WDR55: variants seen among roughly 807,000 people sequenced by gnomAD.
The protein encoded by WDR55 is WD repeat-containing protein 55.
WDR55 carries 31 observed loss-of-function variants against 34.0 expected under a neutral mutation model. The observed-to-expected ratio is 0.91, with a 90% CI of 0.69 to 1.23. The LOEUF is 1.23. Among genes scored for constraint, WDR55 ranks in the 50% most tolerant of loss-of-function variants. The pLI, the probability that WDR55 is intolerant of heterozygous loss-of-function variation, is 0.00. For missense variants in WDR55, 440 were observed against 494.6 expected, an observed-to-expected ratio of 0.89 and a Z score of 1.05; for synonymous variants, 164 against 185.9, an observed-to-expected ratio of 0.88 and a Z score of 0.96.
chr5:140,670,740 C>G lies in WDR55; in HGVS notation c.*1086C>G, dbSNP rs765882882. ...AAGTACTTGCCCCGTAGCAGCTATT[C>G]ACTCTACCAGTGTAAACAAACTCTA... is the stretch of plus-strand genomic sequence containing the variant. On this transcript the variant is annotated 3_prime_UTR_variant, in exon 7 of 7. Transcript: ENST00000358337. 8 of 173,272 alleles carry G rather than the reference C, an allele frequency of 4.6e-5. No homozygotes were observed. The highest frequency in any genetic ancestry group is 6.3e-5 in the Non-Finnish European group (5 of 79,426). 10.7% of individuals were successfully genotyped at this position (173,272 alleles called of 1,614,324 possible). A position where few individuals can be genotyped will look rare whatever the true frequency, so the allele number is the denominator to read the frequency against.
chr5:140,667,584 C>T (rs1757955111), intron 1 of WDR55: 1 of 152,244 alleles, frequency 6.6e-6, no homozygotes, highest in Middle Eastern at 3.2e-3. Flanking sequence ...ACGTTCAGCA[C>T]TGGGATAGAG....
rs1757978905 is a variant in WDR55, at chr5:140,668,628, C to A, written c.397C>A (p.Leu133Ile). ...SKAHGAPINS[L>I]LLVDENVLAT... ...TGTCTCTAGTGCCCCCATCAATAGT[C>A]TTCTGCTGGTGGATGAGAATGTTCT... The change falls in exon 4 of 7, where the codon CTT becomes ATT. Residue 133 changes from leucine to isoleucine, a missense_variant. Coordinates refer to ENST00000358337, the MANE Select transcript of WDR55 (RefSeq NM_017706.5). 6.2e-7 allele frequency: 1 copy of A among 1,613,624 alleles called. No individual in the cohort carries two copies. The highest frequency in any genetic ancestry group is 8.5e-7 in the Non-Finnish European group (1 of 1,179,786).
At position 140,669,514 on chromosome 5, in the gene WDR55, C is replaced by T. The variant is rs143100195; in HGVS notation, c.1012C>T (p.Arg338Cys). Reference protein sequence around the residue: ...RAVVVDDYRRRKKKGGPLRAL... With the variant: ...RAVVVDDYRRCKKKGGPLRAL... The stretch of plus-strand genomic sequence containing the variant: ...TGTGGTGGTGGATGACTACCGTCGG[C>T]GCAAAAAAAAGGGAGGACCACTGCG... Residue 338 changes from arginine to cysteine, a missense_variant, in exon 7 of 7, where the codon CGC becomes TGC. Arg to Cys is a radical substitution (Grantham distance 180). Transcript: ENST00000358337. 9.9e-6 allele frequency: 16 copies of T among 1,613,368 alleles called. No homozygotes were observed. The highest frequency in any genetic ancestry group is 1.6e-4 in the Middle Eastern group (1 of 6,084).
Position 140,671,587 on chromosome 5 carries a change from C to T in WDR55, c.*1933C>T, listed in dbSNP as rs1360385506. 8 of 1,568,466 alleles carry T rather than the reference C, an allele frequency of 5.1e-6. No homozygotes were observed. The African/African-American group carries it at 6.8e-5, about 13-fold the overall frequency. On this transcript the variant is annotated 3_prime_UTR_variant, in exon 7 of 7. Coordinates refer to ENST00000358337, the MANE Select transcript of WDR55 (RefSeq NM_017706.5). ...GTTGGCACAGCAACTGCAGGGTAGCCCGAGCCCCTTGGAACCCTAACTTGT... is the reference window on the plus strand; with the variant it reads ...GTTGGCACAGCAACTGCAGGGTAGCTCGAGCCCCTTGGAACCCTAACTTGT...
rs116755528 is a variant in WDR55, at chr5:140,671,911, T to C, written c.*2257T>C. 9.6e-5 allele frequency: 77 copies of C among 803,848 alleles called. No individual in the cohort carries two copies. The highest frequency in any genetic ancestry group is 1.1e-4 in the Non-Finnish European group (54 of 490,988). The allele number at this position is 803,848 out of a possible 1,614,324, so 49.8% of individuals were successfully genotyped here. On this transcript the variant is annotated 3_prime_UTR_variant, in exon 7 of 7. Transcript: ENST00000358337. The stretch of plus-strand genomic sequence containing the variant: ...AGACAATGAAGCCTTCAGCCTCCAT[T>C]ATTTGCAAAGGGAGTATAACACACT...
In WDR55 at chr5:140,665,024, G is replaced by GA; in HGVS notation, c.114dup (p.Ala39SerfsTer4). 2 of 1,613,984 alleles carry GA rather than the reference G, an allele frequency of 1.2e-6. No individual in the cohort carries two copies. The highest frequency in any genetic ancestry group is 1.7e-6 in the Non-Finnish European group (2 of 1,179,910). On this transcript the variant is annotated frameshift_variant, in exon 1 of 7. Coordinates refer to ENST00000358337, the MANE Select transcript of WDR55 (RefSeq NM_017706.5). LOFTEE classifies it high-confidence loss of function. ...GGACACTCCGGAAGACATCGTGCTG[G>GA]AAGCTCCGGCTAGTGGGCTGGCGTT...
At chr5:140,666,813 TGTTCTGGA>T in intron 1 of WDR55, 1 of 985,452 alleles carries the variant, frequency 1.0e-6, no homozygotes. Context: ...GAAAAAACAC[TGTTCTGGA>T]GTGTAATCTG....
intron 1 of WDR55, chr5:140,666,958 G>A: frequency 3.0e-6 from 3 of 985,402 alleles, no homozygotes; most frequent in Non-Finnish European, 3.6e-6. Context: ...ATGCTTATCA[G>A]ATTTACTTAA....
intron 1 of WDR55, chr5:140,668,024 A>G: frequency 4.1e-6 from 2 of 490,948 alleles, no homozygotes; most frequent in Non-Finnish European, 7.0e-6. Flanking sequence ...GCGCAAATAT[A>G]CCTTGAACTA....
In WDR55 at chr5:140,669,831, T is replaced by C. The variant is rs1185010393; in HGVS notation, c.*177T>C. The C allele has an allele frequency of 1.2e-5, 8 of 657,306 alleles. No individual in the cohort carries two copies. The highest frequency in any genetic ancestry group is 5.6e-5 in the East Asian group (2 of 35,992). 40.7% of individuals were successfully genotyped at this position (657,306 alleles called of 1,614,324 possible). Reference sequence around the variant, plus strand: ...CAGCCTCAATGTCCCCAGGCTCAGATTGTCCTTCCACCTTAGCCTCTGGAG... The same window carrying C: ...CAGCCTCAATGTCCCCAGGCTCAGACTGTCCTTCCACCTTAGCCTCTGGAG... On this transcript the variant is annotated 3_prime_UTR_variant, in exon 7 of 7. Coordinates refer to ENST00000358337, the MANE Select transcript of WDR55 (RefSeq NM_017706.5).
In WDR55 at chr5:140,668,940, C is replaced by G. The variant is rs2149812717; in HGVS notation, c.610C>G (p.Leu204Val). ...CAACATTAAGAGGCGTCGGTTTGAG[C>G]TGCTCTCAGAACCTCAGTCTGGGGA... is the stretch of plus-strand genomic sequence containing the variant. Reference protein sequence around the residue: ...IFNIKRRRFELLSEPQSGDLT... With the variant: ...IFNIKRRRFEVLSEPQSGDLT... Residue 204 changes from leucine to valine, a missense_variant, in exon 5 of 7, where the codon CTG becomes GTG. By Grantham distance (32) the Leu-to-Val change is conservative. Coordinates refer to ENST00000358337, the MANE Select transcript of WDR55 (RefSeq NM_017706.5). 1 of 1,614,240 alleles carries G rather than the reference C, an allele frequency of 6.2e-7. No individual in the cohort carries two copies. The highest frequency in any genetic ancestry group is 1.3e-5 in the African/African-American group (1 of 75,056).
At position 140,668,474 on chromosome 5, in the gene WDR55, C is replaced by T. The variant is rs201721516; in HGVS notation, c.352C>T (p.Leu118=). 17 of 1,614,214 alleles carry T rather than the reference C, an allele frequency of 1.1e-5. No homozygotes were observed. The African/African-American group carries it at 2.0e-4, about 19-fold the overall frequency. The change falls in exon 3 of 7, where the codon CTG becomes TTG. Residue 118 remains leucine (L), a synonymous_variant. Transcript: ENST00000358337. ...IHVLDVEQGQ[L]ERRVSKAHGA... ...TGTTCTAGATGTGGAGCAGGGCCAA[C>T]TGGAAAGACGTGTTTCCAAGGCTCA...
At position 140,669,406 on chromosome 5, in the gene WDR55, G is replaced by C. The variant is rs1758013790; in HGVS notation, c.904G>C (p.Ala302Pro). Residue 302 changes from alanine (A) to proline (P), a missense_variant, in exon 7 of 7, where the codon GCC (alanine) becomes CCC (proline). Transcript: ENST00000358337. ...QHTGEPVEELALSHCGRFLAS... is the reference protein window; with the variant it reads ...QHTGEPVEELPLSHCGRFLAS... ...CACTGGGGAGCCTGTGGAGGAGCTG[G>C]CCCTCTCCCACTGTGGCCGCTTCCT... 2 of 1,614,000 alleles carry C rather than the reference G, an allele frequency of 1.2e-6. No homozygotes were observed. The highest frequency in any genetic ancestry group is 2.7e-5 in the African/African-American group (2 of 74,932).
rs1434358104 is a variant in WDR55 at position 140,670,255 on chromosome 5, G to A, written c.*601G>A. 3.3e-5 allele frequency: 5 copies of A among 149,498 alleles called. No individual in the cohort carries two copies. The allele number at this position is 149,498 out of a possible 1,614,324, so 9.3% of individuals were successfully genotyped here. On this transcript the variant is annotated 3_prime_UTR_variant, in exon 7 of 7. Coordinates refer to ENST00000358337, the MANE Select transcript of WDR55 (RefSeq NM_017706.5). Reference sequence around the variant, plus strand: ...TCACTATGTTGACCAAGCTGGTCTTGGAACTCCTGGGCTCAAGTGATCCTC... The same window carrying A: ...TCACTATGTTGACCAAGCTGGTCTTAGAACTCCTGGGCTCAAGTGATCCTC...
At chr5:140,666,135 G>T (rs1304020560) in intron 1 of WDR55, among the ~76,000 whole-genome samples, 1 of 152,148 alleles carries the variant, frequency 6.6e-6, no homozygotes, top group Non-Finnish European at 1.5e-5. Context: ...GGTGGCTCAT[G>T]CCTGTAATCC....
At position 140,671,887 on chromosome 5, in the gene WDR55, G is replaced by A. The variant is rs1457072522; in HGVS notation, c.*2233G>A. The A allele has an allele frequency of 3.1e-6, 3 of 967,196 alleles. No homozygotes were observed. In the South Asian group the frequency reaches 4.2e-5, roughly 14 times the overall value. 59.9% of individuals were successfully genotyped at this position (967,196 alleles called of 1,614,324 possible). On this transcript the variant is annotated 3_prime_UTR_variant, in exon 7 of 7. Transcript: ENST00000358337. ...GGTAGTGTGACCATGGGTAAGAAAA[G>A]ACAATGAAGCCTTCAGCCTCCATTA...
chr5:140,670,041 A>G lies in WDR55; in HGVS notation c.*387A>G, dbSNP rs1303571567. ...ACCACACCTGGCCAAAAAAATTTAT[A>G]TTTTTTGAGACAAGGTCTCACTCTG... On this transcript the variant is annotated 3_prime_UTR_variant, in exon 7 of 7. Coordinates refer to ENST00000358337, the MANE Select transcript of WDR55 (RefSeq NM_017706.5). 5 of 181,830 alleles carry G rather than the reference A, an allele frequency of 2.7e-5. No homozygotes were observed. The highest frequency in any genetic ancestry group is 5.6e-5 in the Admixed American group (1 of 17,790). 11.3% of individuals were successfully genotyped at this position (181,830 alleles called of 1,614,324 possible). A position where few individuals can be genotyped will look rare whatever the true frequency, so the allele number is the denominator to read the frequency against.
Position 140,668,633 on chromosome 5 carries a change from G to A in WDR55, c.402G>A (p.Leu134=), listed in dbSNP as rs748453005. Residue 134 remains leucine, a synonymous_variant, in exon 4 of 7, where the codon CTG becomes CTA. Coordinates refer to ENST00000358337, the MANE Select transcript of WDR55 (RefSeq NM_017706.5). ...KAHGAPINSL[L]LVDENVLATG... ...CTAGTGCCCCCATCAATAGTCTTCT[G>A]CTGGTGGATGAGAATGTTCTGGCCA... 1 of 1,613,930 alleles carries A rather than the reference G, an allele frequency of 6.2e-7. No individual in the cohort carries two copies. Among genetic ancestry groups the A allele is most frequent in the Non-Finnish European group, 8.5e-7 (1 of 1,179,850 alleles).
Position 140,671,019 on chromosome 5 carries a change from T to TG in WDR55, c.*1370dup, listed in dbSNP as rs1419685139. The TG allele has an allele frequency of 2.2e-5, 10 of 450,654 alleles. No individual in the cohort carries two copies. The highest frequency in any genetic ancestry group is 2.2e-5 in the South Asian group (1 of 44,766). 27.9% of individuals were successfully genotyped at this position (450,654 alleles called of 1,614,324 possible). ...GCAGAGGGGGGAAGGTATGATCGGG[T>TG]GGGGGTGGGACAAGGAACGGCCATG... On this transcript the variant is annotated 3_prime_UTR_variant, in exon 7 of 7. Coordinates refer to ENST00000358337, the MANE Select transcript of WDR55 (RefSeq NM_017706.5).
Sources: allele counts gnomAD v4.1 joint callset (sites outside exome capture counted in the v4.1 genomes callset), GRCh38; gene constraint gnomAD v4.1.1; transcripts MANE v1.5; gene names NCBI Gene and HGNC (gene_info 2026-07-23, HGNC 2026-07-21).